Variants in RECQL5 observed in about 807,000 individuals in gnomAD.
RECQL5 encodes the protein ATP-dependent DNA helicase Q5.
RECQL5 carries 88 observed loss-of-function variants against 103.4 expected under a neutral mutation model. The ratio of observed to expected loss-of-function variants is 0.85; its 90% CI spans 0.72 to 1.02. RECQL5 has a LOEUF of 1.02. Among genes scored for constraint, RECQL5 ranks in the 50% least tolerant of loss-of-function variants. The pLI is 0.00. For synonymous variants in RECQL5, 552 were observed against 507.9 expected (o/e 1.09, Z -1.17); for missense variants, 1,232 against 1,284.3 (o/e 0.96, Z 0.62).
intron 7 of RECQL5, among the ~76,000 whole-genome samples, chr17:75,657,295 G>A (rs985279705): frequency 6.6e-6 from 1 of 152,202 alleles, no homozygotes; most frequent in Non-Finnish European, 1.5e-5. Context: ...AGAGGCAGGA[G>A]GATCACTCGA....
rs755333845 is a variant in RECQL5, at chr17:75,662,607, T to G, written c.643A>C (p.Ile215Leu). 6.2e-7 allele frequency: 1 copy of G among 1,614,194 alleles called. No homozygotes were observed. Among genetic ancestry groups the G allele is most frequent in the Admixed American group, 1.7e-5 (1 of 60,020 alleles). Residue 215 changes from isoleucine to leucine, a missense_variant, in exon 4 of 20, where the codon ATC (isoleucine) becomes CTC (leucine). Transcript: ENST00000317905. ...AALHLKKPVA[I>L]FKTPCFRANL... ...GCCCGGAAGCAGGGAGTCTTGAAGA[T>G]GGCAACTGGTTTCTTCAGGTGCAGG...
At chr17:75,657,023 C>T (rs560742477) in intron 7 of RECQL5, among the ~76,000 whole-genome samples, 7 of 152,210 alleles carry the variant, frequency 4.6e-5, no homozygotes, top group South Asian at 4.1e-4. Flanking sequence ...GGATTACAGG[C>T]GTAAGCCATC....
In RECQL5 at chr17:75,630,853, G is replaced by C; in HGVS notation, c.1586-16C>G. ...CAGTTCTCATCTGTGGGGGGGGGGG[G>C]TGGTCCTTGGTCCTTTCGCTCCACC... is the stretch of plus-strand genomic sequence containing the variant. On this transcript the variant is annotated splice_polypyrimidine_tract_variant and intron_variant, in intron 11 of 19. Coordinates refer to ENST00000317905, the MANE Select transcript of RECQL5 (RefSeq NM_004259.7). The C allele has an allele frequency of 7.1e-7, 1 of 1,405,046 alleles. No homozygotes were observed. Among genetic ancestry groups the C allele is most frequent in the Non-Finnish European group, 9.6e-7 (1 of 1,039,036 alleles). 87.0% of individuals were successfully genotyped at this position (1,405,046 alleles called of 1,614,324 possible). A position where few individuals can be genotyped will look rare whatever the true frequency, so the allele number is the denominator to read the frequency against.
intron 8 of RECQL5, chr17:75,647,636 C>T: frequency 6.9e-7 from 1 of 1,454,422 alleles, no homozygotes; most frequent in Non-Finnish European, 9.3e-7. Context: ...GTGGTGGGCC[C>T]CTTCGCGGTT....
intron 8 of RECQL5, chr17:75,650,743 C>G (rs926726862): frequency 6.2e-6 from 10 of 1,607,650 alleles, no homozygotes; most frequent in African/African-American, 1.3e-5. Context: ...AAAACAGATG[C>G]GTGAGTTCAA....
At position 75,631,223 on chromosome 17, in the gene RECQL5, C is replaced by T. The variant is rs1728308383; in HGVS notation, c.1475G>A (p.Gly492Glu). 1 of 1,613,804 alleles carries T rather than the reference C, an allele frequency of 6.2e-7. No homozygotes were observed. ...GTGGGCCTCATCTCTGCCTTCATCC[C>T]CGCTGCCTCCAGAACCTTCGTCATA... ...SRYDEGSGGSGDEGRDEAHKR... is the reference protein window; with the variant it reads ...SRYDEGSGGSEDEGRDEAHKR... The change falls in exon 10 of 20, where the codon GGG becomes GAG. Residue 492 changes from glycine to glutamate, a missense_variant. Transcript: ENST00000317905.
At chr17:75,634,020 A>C (rs928502505) in intron 8 of RECQL5, 6 of 985,574 alleles carry the variant, frequency 6.1e-6, no homozygotes, top group Non-Finnish European at 7.2e-6. Flanking sequence ...GTAATTTGAC[A>C]CTTGGATCTC....
intron 8 of RECQL5, among the ~76,000 whole-genome samples, chr17:75,644,924 C>T (rs1210191585): frequency 1.3e-5 from 2 of 152,116 alleles, no homozygotes; most frequent in African/African-American, 2.4e-5. Flanking sequence ...GTTCTCTACA[C>T]ATCTATTACT....
rs779403653 is a variant in RECQL5, at chr17:75,658,355, G to T, written c.1092C>A (p.Ser364=). The T allele has an allele frequency of 1.9e-6, 3 of 1,614,074 alleles. No homozygotes were observed. The highest frequency in any genetic ancestry group is 8.5e-7 in the Non-Finnish European group (1 of 1,179,974). Residue 364 remains serine (S), a synonymous_variant, in exon 7 of 20, where the codon TCC becomes TCA. Transcript: ENST00000317905. The part of the protein sequence containing the change: ...GKPSWCRLYY[S]RNDRDQVSFL... ...AGCTGACTTGGTCCCGGTCATTCCT[G>T]GAGTAATAGAGACGGCACCAGGAAG...
At chr17:75,635,410 C>T (rs2059301809) in intron 8 of RECQL5, among the ~76,000 whole-genome samples, 1 of 152,186 alleles carries the variant, frequency 6.6e-6, no homozygotes, top group South Asian at 2.1e-4. Flanking sequence ...AACACAGTCC[C>T]TGAACCAGGA....
At chr17:75,628,480 C>T in intron 17 of RECQL5, 38 bp from the exon 18 acceptor site, 1 of 1,598,932 alleles carries the variant, frequency 6.3e-7, no homozygotes, top group South Asian at 1.1e-5. Flanking sequence ...TCCTGAGCTC[C>T]CTTCCACTGG....
chr17:75,632,542 A>C (rs1365912607), intron 8 of RECQL5, among the ~76,000 whole-genome samples: 1 of 152,228 alleles, frequency 6.6e-6, no homozygotes, highest in East Asian at 1.9e-4. Flanking sequence ...TTAGCCAGGG[A>C]GACGCAGCCT....
intron 7 of RECQL5, among the ~76,000 whole-genome samples, chr17:75,657,604 A>G (rs2059640787): frequency 6.6e-6 from 1 of 152,036 alleles, no homozygotes; most frequent in Non-Finnish European, 1.5e-5. Context: ...TGAAAAAAAA[A>G]TTAGCTGGGC....
intron 7 of RECQL5, among the ~76,000 whole-genome samples, chr17:75,654,629 A>G (rs1363958189): frequency 6.6e-6 from 1 of 151,508 alleles, no homozygotes; most frequent in South Asian, 2.1e-4. Context: ...TTATTTATTT[A>G]TTTTTTTGGA....
rs1192686976 is a variant in RECQL5, at chr17:75,629,044, C to A, written c.2379G>T (p.Gly793=). 1.3e-6 allele frequency: 2 copies of A among 1,596,880 alleles called. No individual in the cohort carries two copies. The highest frequency in any genetic ancestry group is 1.7e-6 in the Non-Finnish European group (2 of 1,171,786). The stretch of plus-strand genomic sequence containing the variant: ...CTGGGGCCATCGGGGGTCCCTGAAC[C>A]CCCTCACAGGAGGGGCAGGCACCTT... ...EAEGACPSCE[G]VQGPPMAPEK... Residue 793 remains glycine (G), a synonymous_variant, in exon 16 of 20, where the codon GGG becomes GGT. Coordinates refer to ENST00000317905, the MANE Select transcript of RECQL5 (RefSeq NM_004259.7).
rs1015037503 is a variant in RECQL5, at chr17:75,649,602, G to T, written c.1229+1584C>A. ...CTGCTTCGACCTCAGCCTCCAATGAGAACTATTCTTAGGAAGCAAATATCT... is the reference window on the plus strand; with the variant it reads ...CTGCTTCGACCTCAGCCTCCAATGATAACTATTCTTAGGAAGCAAATATCT... On this transcript the variant is annotated intron_variant, in intron 8 of 19. Coordinates refer to ENST00000317905, the MANE Select transcript of RECQL5 (RefSeq NM_004259.7). 8.1e-6 allele frequency: 8 copies of T among 983,808 alleles called. No homozygotes were observed. In the African/African-American group the frequency reaches 1.4e-4, roughly 17 times the overall value. The allele number at this position is 983,808 out of a possible 1,614,324, so 60.9% of individuals were successfully genotyped here. A position where few individuals can be genotyped will look rare whatever the true frequency, so the allele number is the denominator to read the frequency against.
At chr17:75,628,525 A>G in intron 17 of RECQL5, 83 bp from the exon 18 acceptor site, 1 of 1,537,414 alleles carries the variant, frequency 6.5e-7, no homozygotes. Context: ...GGGTCCCCGC[A>G]CCAGCTGCCT....
At chr17:75,645,739 A>G (rs1205085836) in intron 8 of RECQL5, among the ~76,000 whole-genome samples, 1 of 152,224 alleles carries the variant, frequency 6.6e-6, no homozygotes, top group Non-Finnish European at 1.5e-5. Context: ...CGACTGTTCT[A>G]AATCTGCCTC....
At position 75,628,359 on chromosome 17, in the gene RECQL5, C is replaced by T. The variant is rs532669289; in HGVS notation, c.2664G>A (p.Ser888=). ...SVVAEVKGSV[S]ASEQGTLNPT... is the part of the protein sequence containing the mutation. ...GATTCAAGGTGCCCTGTTCGCTGGC[C>T]GAGACGCTGCCCTTGACCTCAGCTA... Residue 888 remains serine, a synonymous_variant, in exon 18 of 20, where the codon TCG becomes TCA. Transcript: ENST00000317905. The T allele has an allele frequency of 2.5e-5, 41 of 1,613,958 alleles. No individual in the cohort carries two copies. The highest frequency in any genetic ancestry group is 3.1e-5 in the Non-Finnish European group (37 of 1,180,042).
Sources: gnomAD v4.1 joint callset for allele counts (sites outside exome capture counted in the v4.1 genomes callset) on GRCh38, gnomAD v4.1.1 for gene constraint, MANE v1.5 for transcripts, NCBI Gene and HGNC (gene_info 2026-07-23, HGNC 2026-07-21) for gene names.